ABCA8: variants seen among roughly 807,000 people sequenced by gnomAD.
ABCA8 encodes ATP binding cassette subfamily A member 8, also known as ABC-type organic anion transporter ABCA8.
A neutral mutation model predicts 192.3 loss-of-function variants in ABCA8; 177 were observed. The ratio of observed to expected loss-of-function variants is 0.92; its 90% CI spans 0.81 to 1.04. ABCA8 has a LOEUF of 1.04. ABCA8 is among the 50% of genes least tolerant of loss of function. The pLI, the probability that ABCA8 is intolerant of heterozygous loss-of-function variation, is 0.00. For missense variants in ABCA8, 1,915 were observed against 1,904.8 expected (o/e 1.01, Z -0.10); for synonymous variants, 642 against 690.2 (o/e 0.93, Z 1.09).
chr17:68,877,789 T>C, intron 32 of ABCA8, 110 bp from the exon 33 acceptor site: 2 of 1,153,916 alleles, frequency 1.7e-6, no homozygotes, highest in African/African-American at 1.6e-5. Flanking sequence ...ACTCTAAACC[T>C]CATTGGGTTT....
At chr17:68,901,938 T>C (rs553413754) in intron 21 of ABCA8, among the ~76,000 whole-genome samples, 26 of 152,292 alleles carry the variant, frequency 1.7e-4, no homozygotes, top group African/African-American at 6.3e-4. Flanking sequence ...AATTCTACTT[T>C]TAGGATTACA....
intron 12 of ABCA8, 63 bp from the exon 13 acceptor site, chr17:68,921,555 C>CA (rs1598262999): frequency 8.7e-6 from 9 of 1,036,572 alleles, no homozygotes; most frequent in Non-Finnish European, 1.3e-5. Context: ...ATTAAAACCA[C>CA]AAAAAATATT....
Position 68,884,366 on chromosome 17 carries a change from G to C in ABCA8, c.3580C>G (p.Arg1194Gly). The C allele has an allele frequency of 6.3e-7, 1 of 1,590,192 alleles. No homozygotes were observed. Among genetic ancestry groups the C allele is most frequent in the Non-Finnish European group, 8.5e-7 (1 of 1,171,722 alleles). ...ACCAGAAATGGCTGTACATCCATTC[G>C]TTCTTCAGAAAAGAGAGAAGAAAAG... ...LLFSSLFSEE[R>G]MDVQPFLVFL... is the part of the protein sequence containing the mutation. Residue 1194 changes from arginine to glycine, a missense_variant, in exon 28 of 40, where the codon CGA becomes GGA. Coordinates refer to ENST00000586539, the MANE Select transcript of ABCA8 (RefSeq NM_001288985.2).
Position 68,885,288 on chromosome 17 carries a change from C to T in ABCA8, c.3457G>A (p.Ala1153Thr). ...VVTVFSVAGF[A>T]FSIFESDIPF... ...ATATCACTTTCGAAGATACTGAACG[C>T]AAATCCAGCCACAGAGAATACAGTG... The change falls in exon 27 of 40, where the codon GCG (alanine) becomes ACG (threonine). Residue 1153 changes from alanine (A) to threonine (T), a missense_variant. Ala to Thr is a moderately conservative substitution (Grantham distance 58). Transcript: ENST00000586539. 6.2e-7 allele frequency: 1 copy of T among 1,612,328 alleles called. No individual in the cohort carries two copies. Among genetic ancestry groups the T allele is most frequent in the Non-Finnish European group, 8.5e-7 (1 of 1,179,270 alleles).
At chr17:68,915,085 CAGA>C (rs2067321992) in intron 17 of ABCA8, among the ~76,000 whole-genome samples, 1 of 152,058 alleles carries the variant, frequency 6.6e-6, no homozygotes, top group African/African-American at 2.4e-5. Flanking sequence ...TATCCATATG[CAGA>C]AGAATGAACC....
chr17:68,953,080 T>C (rs983578758), intron 1 of ABCA8, among the ~76,000 whole-genome samples: 2 of 152,190 alleles, frequency 1.3e-5, no homozygotes, highest in African/African-American at 4.8e-5. Flanking sequence ...TCCTGAAAAC[T>C]GTAGGACTAG....
chr17:68,927,416 T>C (rs537398817), intron 10 of ABCA8, among the ~76,000 whole-genome samples: 7 of 151,390 alleles, frequency 4.6e-5, no homozygotes, highest in Non-Finnish European at 1.0e-4. Flanking sequence ...ATTTATGATA[T>C]ATTGGCTTTC....
intron 30 of ABCA8, 28 bp downstream of exon 30, chr17:68,882,571 A>G (rs1396465265): frequency 6.3e-7 from 1 of 1,591,870 alleles, no homozygotes; most frequent in Non-Finnish European, 8.6e-7. Flanking sequence ...AGACTGACTA[A>G]TAAAAAAACC....
chr17:68,900,461 G>A (rs2066876749), intron 21 of ABCA8, among the ~76,000 whole-genome samples: 3 of 133,246 alleles, frequency 2.3e-5, no homozygotes, highest in Admixed American at 1.6e-4. Context: ...TTCCCATAAA[G>A]AAAATCCCTC....
At chr17:68,872,589 A>T (rs2066090968) in intron 37 of ABCA8, among the ~76,000 whole-genome samples, 1 of 151,410 alleles carries the variant, frequency 6.6e-6, no homozygotes, top group Non-Finnish European at 1.5e-5. Context: ...AAAAAAAAAT[A>T]AAAAATAAAA....
chr17:68,915,620 C>A (rs1303663073), intron 17 of ABCA8, among the ~76,000 whole-genome samples: 2 of 151,924 alleles, frequency 1.3e-5, no homozygotes, highest in Non-Finnish European at 2.9e-5. Flanking sequence ...AAAAGACAGG[C>A]AATAACAAAT....
intron 9 of ABCA8, among the ~76,000 whole-genome samples, chr17:68,928,782 A>G (rs1012444298): frequency 1.3e-5 from 2 of 152,246 alleles, no homozygotes; most frequent in Non-Finnish European, 2.9e-5. Context: ...CCACATGTCC[A>G]TATTTAATTA....
chr17:68,917,411 C>G lies in ABCA8; in HGVS notation c.2088G>C (p.Ala696=), dbSNP rs775394909. ...VFLSQGKLKC[A]GSSLFLKKKW... ...TCTTCTTTAGAAACAAAGAAGAGCC[C>G]GCGCACTTTAGCTTCCCTTGGGAGA... Residue 696 remains alanine, a synonymous_variant, in exon 17 of 40, where the codon GCG becomes GCC. Coordinates refer to ENST00000586539, the MANE Select transcript of ABCA8 (RefSeq NM_001288985.2). The G allele has an allele frequency of 2.4e-5, 38 of 1,611,736 alleles. No individual in the cohort carries two copies. The highest frequency in any genetic ancestry group is 3.1e-5 in the Non-Finnish European group (36 of 1,178,792).
chr17:68,867,758 T>TA lies in ABCA8; in HGVS notation c.*326dup, dbSNP rs1029724897. The TA allele has an allele frequency of 5.8e-6, 1 of 171,824 alleles. No homozygotes were observed. The highest frequency in any genetic ancestry group is 1.5e-4 in the East Asian group (1 of 6,546). The allele number at this position is 171,824 out of a possible 1,614,324, so 10.6% of individuals were successfully genotyped here. Reference sequence around the variant, plus strand: ...AAAAAAAGTGTTTTAAGATTTTTATTAAAAAAATTTAAACAAAATTTGTTT... The same window carrying TA: ...AAAAAAAGTGTTTTAAGATTTTTATTAAAAAAAATTTAAACAAAATTTGTTT... On this transcript the variant is annotated 3_prime_UTR_variant, in exon 40 of 40. Coordinates refer to ENST00000586539, the MANE Select transcript of ABCA8 (RefSeq NM_001288985.2).
intron 20 of ABCA8, 136 bp downstream of exon 20, chr17:68,903,165 T>C (rs1278467788): frequency 5.3e-6 from 5 of 949,070 alleles, no homozygotes; most frequent in Admixed American, 2.5e-5. Flanking sequence ...CTCCTGTGCT[T>C]CTTCCACTGT....
intron 24 of ABCA8, among the ~76,000 whole-genome samples, chr17:68,887,894 A>ATATATATATATATATATATATATAT (rs1555607357): frequency 6.8e-5 from 3 of 43,822 alleles, no homozygotes; most frequent in Admixed American, 3.6e-4. Flanking sequence ...ATATATATAT[A>ATATATATATATATATATATATATAT]TATATATATA....
At chr17:68,871,747 CCATGATGACATTATAGCATAA>C (rs1330971129) in intron 37 of ABCA8, among the ~76,000 whole-genome samples, 1 of 152,032 alleles carries the variant, frequency 6.6e-6, no homozygotes, top group Non-Finnish European at 1.5e-5. Context: ...GACATCATAG[CCATGATGACATTATAGCATAA>C]CATATTACTT....
At chr17:68,947,208 T>C (rs1476876390) in intron 2 of ABCA8, among the ~76,000 whole-genome samples, 1 of 152,184 alleles carries the variant, frequency 6.6e-6, no homozygotes, top group Non-Finnish European at 1.5e-5. Context: ...ACATGGACAT[T>C]AGATATTTTC....
intron 31 of ABCA8, 62 bp downstream of exon 31, chr17:68,881,801 T>G: frequency 8.3e-7 from 1 of 1,210,648 alleles, no homozygotes; most frequent in Non-Finnish European, 1.2e-6. Flanking sequence ...ATAATGCTCA[T>G]TAGGAACCAG....
Sources: gnomAD v4.1 joint callset for allele counts (sites outside exome capture counted in the v4.1 genomes callset) on GRCh38, gnomAD v4.1.1 for gene constraint, MANE v1.5 for transcripts, NCBI Gene and HGNC (gene_info 2026-07-23, HGNC 2026-07-21) for gene names.